CUX2: variants seen among roughly 807,000 people sequenced by gnomAD.
CUX2 encodes homeobox protein cut-like 2.
CUX2 carries 40 observed loss-of-function variants against 144.8 expected under a neutral mutation model. The ratio of observed to expected loss-of-function variants is 0.28; its 90% CI spans 0.21 to 0.36. CUX2 has a LOEUF of 0.36. CUX2 is among the 10% of genes least tolerant of loss of function. The pLI is 1.00. For missense variants in CUX2, 1,615 were observed against 1,994.0 expected (o/e 0.81, Z 3.62); for synonymous variants, 827 against 875.6 (o/e 0.94, Z 0.98).
chr12:111,073,016 G>A (rs764182266), intron 1 of CUX2, among the ~76,000 whole-genome samples: 24 of 152,144 alleles, frequency 1.6e-4, no homozygotes, highest in Non-Finnish European at 2.8e-4. Flanking sequence ...TTTTTGTCAC[G>A]GTTTCTTTAG....
At chr12:111,129,666 A>G (rs1875331329) in intron 1 of CUX2, among the ~76,000 whole-genome samples, 1 of 152,212 alleles carries the variant, frequency 6.6e-6, no homozygotes, top group Non-Finnish European at 1.5e-5. Flanking sequence ...TGATCTTTCT[A>G]GTCCTTTATA....
chr12:111,175,988 A>C (rs572076974), intron 1 of CUX2, among the ~76,000 whole-genome samples: 3 of 147,002 alleles, frequency 2.0e-5, no homozygotes, highest in African/African-American at 7.6e-5. Context: ...GCTTTTCCCT[A>C]GATTGGGGGG....
At chr12:111,267,544 G>C (rs1448929902) in intron 4 of CUX2, among the ~76,000 whole-genome samples, 1 of 152,196 alleles carries the variant, frequency 6.6e-6, no homozygotes, top group Non-Finnish European at 1.5e-5. Context: ...TGACAAGCTG[G>C]CTGCACGTGG....
At chr12:111,100,181 CTGTGTG>C (rs71881537) in intron 1 of CUX2, 98 of 388,262 alleles carry the variant, frequency 2.5e-4, no homozygotes, top group African/African-American at 1.3e-3. Context: ...GAGCCTGTGA[CTGTGTG>C]TGTGTGTGTG....
chr12:111,141,973 A>C (rs1462912934), intron 1 of CUX2, among the ~76,000 whole-genome samples: 1 of 152,064 alleles, frequency 6.6e-6, no homozygotes, highest in African/African-American at 2.4e-5. Context: ...AATCCCAGCT[A>C]CTCAGGAGGC....
chr12:111,082,301 C>T (rs1283100310), intron 1 of CUX2, among the ~76,000 whole-genome samples: 1 of 151,998 alleles, frequency 6.6e-6, no homozygotes, highest in African/African-American at 2.4e-5. Context: ...TGGAAAATCA[C>T]AATATATTGG....
At chr12:111,337,363 A>AG (rs1888395544) in intron 19 of CUX2, among the ~76,000 whole-genome samples, 1 of 151,672 alleles carries the variant, frequency 6.6e-6, no homozygotes, top group Non-Finnish European at 1.5e-5. Context: ...AAAAAAAAAA[A>AG]AAAAAGAAAA....
At chr12:111,327,383 A>G (rs898856848) in intron 18 of CUX2, among the ~76,000 whole-genome samples, 1 of 152,206 alleles carries the variant, frequency 6.6e-6, no homozygotes, top group African/African-American at 2.4e-5. Context: ...TTCTTCGAAC[A>G]TATATCTAGG....
intron 18 of CUX2, among the ~76,000 whole-genome samples, chr12:111,326,775 G>A (rs747112815): frequency 3.4e-4 from 51 of 152,084 alleles, no homozygotes; most frequent in South Asian, 2.1e-4. Context: ...GTGGTAGCAC[G>A]CATCTGTAAT....
chr12:111,145,355 C>T (rs1293916828), intron 1 of CUX2, among the ~76,000 whole-genome samples: 1 of 151,996 alleles, frequency 6.6e-6, no homozygotes, highest in African/African-American at 2.4e-5. Flanking sequence ...TAACCAGTGC[C>T]TTAAGCTTCA....
At chr12:111,100,185 G>C in intron 1 of CUX2, 1 of 362,574 alleles carries the variant, frequency 2.8e-6, no homozygotes, top group East Asian at 8.1e-5. Context: ...CTGTGACTGT[G>C]TGTGTGTGTG....
At chr12:111,259,720 C>T (rs1282116753) in intron 3 of CUX2, among the ~76,000 whole-genome samples, 3 of 148,934 alleles carry the variant, frequency 2.0e-5, no homozygotes, top group Non-Finnish European at 4.4e-5. Flanking sequence ...AAAGATTAGC[C>T]AGGTGTGTGG....
Position 111,320,082 on chromosome 12 carries a change from C to G in CUX2, c.2073C>G (p.Asp691Glu). Residue 691 changes from aspartate to glutamate, a missense_variant, in exon 17 of 22, where the codon GAC becomes GAG. Physicochemically the swap from Asp to Glu is conservative, Grantham distance 45. Transcript: ENST00000261726. This position sits in a 1 kb window ranked among gnomAD's most constrained non-coding sequence, Gnocchi z 8.1. Reference protein sequence around the residue: ...NGTTPASTSEDAIKSILEQAR... With the variant: ...NGTTPASTSEEAIKSILEQAR... ...CGACCCCCGCCAGCACCTCGGAGGA[C>G]GCCATCAAGAGCATCCTGGAGCAGG... is the stretch of plus-strand genomic sequence containing the variant. The G allele has an allele frequency of 6.4e-7, 1 of 1,556,048 alleles. No individual in the cohort carries two copies. Among genetic ancestry groups the G allele is most frequent in the South Asian group, 1.2e-5 (1 of 85,086 alleles).
intron 1 of CUX2, among the ~76,000 whole-genome samples, chr12:111,078,835 G>A (rs1871689128): frequency 6.6e-6 from 1 of 152,146 alleles, no homozygotes; most frequent in African/African-American, 2.4e-5. Context: ...GTAGCCATCT[G>A]GTGAGTGATG....
intron 18 of CUX2, among the ~76,000 whole-genome samples, chr12:111,324,255 C>T (rs918035678): frequency 3.3e-5 from 5 of 150,366 alleles, no homozygotes; most frequent in Admixed American, 6.7e-5. Flanking sequence ...GAGACTGAAG[C>T]GGGAGAATCA....
Position 111,347,618 on chromosome 12 carries a change from T to TACC in CUX2, c.3754_3755insACC (p.Ser1252delinsTyrPro). On this transcript the variant is annotated protein_altering_variant, in exon 22 of 22. Coordinates refer to ENST00000261726, the MANE Select transcript of CUX2 (RefSeq NM_015267.4). Reference sequence around the variant, plus strand: ...TCCTGGAATCCTACCGCCAGGCCACTCCCACCCAGACCCCACCCCGCAGAG... The same window carrying TACC: ...TCCTGGAATCCTACCGCCAGGCCACTACCCCCACCCAGACCCCACCCCGCAGAG... The TACC allele has an allele frequency of 5.9e-6, 9 of 1,517,710 alleles. No homozygotes were observed. Among genetic ancestry groups the TACC allele is most frequent in the Non-Finnish European group, 7.3e-6 (8 of 1,094,626 alleles). The allele number at this position is 1,517,710 out of a possible 1,614,324, so 94.0% of individuals were successfully genotyped here. A position where few individuals can be genotyped will look rare whatever the true frequency, so the allele number is the denominator to read the frequency against.
At position 111,347,575 on chromosome 12, in the gene CUX2, C is replaced by T. The variant is rs536169189; in HGVS notation, c.3711C>T (p.Asp1237=). ...TGGAGGGGACCCAGGATGAGCCAGA[C>T]CTTGATCCAAGCGGGGGTCCTGGAA... ...MLVEGTQDEP[D]LDPSGGPGIL... Residue 1237 remains aspartate (D), a synonymous_variant, in exon 22 of 22, where the codon GAC becomes GAT. Coordinates refer to ENST00000261726, the MANE Select transcript of CUX2 (RefSeq NM_015267.4). 5 of 1,612,642 alleles carry T rather than the reference C, an allele frequency of 3.1e-6. No individual in the cohort carries two copies. The highest frequency in any genetic ancestry group is 3.4e-6 in the Non-Finnish European group (4 of 1,179,536).
chr12:111,319,843 A>C (rs10849933), intron 16 of CUX2, among the ~76,000 whole-genome samples, 169 bp from the exon 17 acceptor site: 36,405 of 152,192 alleles, frequency 0.24, 5,466 homozygotes, highest in East Asian at 0.68. Flanking sequence ...GTGGCTGCCT[A>C]ATATTCTGCC....
intron 1 of CUX2, among the ~76,000 whole-genome samples, chr12:111,174,056 A>G (rs1878698281): frequency 6.6e-6 from 1 of 152,224 alleles, no homozygotes; most frequent in Admixed American, 6.5e-5. Context: ...GCTGTAGAGA[A>G]GCAGGCAGGG....
Sources: allele counts gnomAD v4.1 joint callset (sites outside exome capture counted in the v4.1 genomes callset), GRCh38; gene constraint gnomAD v4.1.1; non-coding constraint Gnocchi (gnomAD v3.1); transcripts MANE v1.5; gene names NCBI Gene and HGNC (gene_info 2026-07-23, HGNC 2026-07-21).